Variants in CPNE4 observed in about 807,000 individuals in gnomAD.
CPNE4 encodes copine 4.
CPNE4 carries 25 observed loss-of-function variants against 67.9 expected under a neutral mutation model. The observed-to-expected ratio is 0.37, with a 90% CI of 0.27 to 0.51. The LOEUF is 0.51. Ranked by LOEUF, CPNE4 falls within the 20% of genes least tolerant of loss-of-function variation. CPNE4 has a pLI of 0.93. For synonymous variants in CPNE4, 242 were observed against 244.9 expected (o/e 0.99, Z 0.11); for missense variants, 464 against 690.8 (o/e 0.67, Z 3.68).
chr3:131,613,904 C>T (rs906462648), intron 7 of CPNE4, among the ~76,000 whole-genome samples: 1 of 151,760 alleles, frequency 6.6e-6, no homozygotes, highest in Non-Finnish European at 1.5e-5. Context: ...AAACATCATT[C>T]CAACCAAAAA....
chr3:131,785,294 A>G (rs1419087871), intron 2 of CPNE4, among the ~76,000 whole-genome samples: 1 of 152,064 alleles, frequency 6.6e-6, no homozygotes, highest in Admixed American at 6.6e-5. Flanking sequence ...GCTATCCTCA[A>G]ACATACAAGC....
intron 1 of CPNE4, among the ~76,000 whole-genome samples, chr3:131,936,999 A>G (rs984200886): frequency 3.9e-5 from 6 of 152,086 alleles, no homozygotes; most frequent in African/African-American, 1.4e-4. Flanking sequence ...AGAAAGAAAA[A>G]GTAATTAAAG....
intron 2 of CPNE4, among the ~76,000 whole-genome samples, chr3:131,842,468 G>T (rs2085825068): frequency 6.6e-6 from 1 of 152,170 alleles, no homozygotes; most frequent in Non-Finnish European, 1.5e-5. Context: ...AGTTATACAA[G>T]TACCCACTCT....
chr3:131,632,068 C>T (rs569761358), intron 7 of CPNE4, among the ~76,000 whole-genome samples: 8 of 151,082 alleles, frequency 5.3e-5, no homozygotes, highest in South Asian at 2.1e-4. Flanking sequence ...TGCACCACTG[C>T]GCACGATCTT....
At chr3:131,963,645 G>A (rs924045302) in intron 1 of CPNE4, among the ~76,000 whole-genome samples, 3 of 152,172 alleles carry the variant, frequency 2.0e-5, no homozygotes, top group Non-Finnish European at 2.9e-5. Context: ...AAAACTCACC[G>A]CAGGGCAGCG....
intron 2 of CPNE4, among the ~76,000 whole-genome samples, chr3:131,834,604 C>T (rs570966203): frequency 6.6e-6 from 1 of 152,052 alleles, no homozygotes; most frequent in South Asian, 2.1e-4. Context: ...GTTACCACAA[C>T]TTTTCACAAA....
intron 3 of CPNE4, among the ~76,000 whole-genome samples, chr3:131,713,022 G>A (rs903893662): frequency 3.3e-5 from 5 of 152,198 alleles, no homozygotes; most frequent in African/African-American, 1.2e-4. Flanking sequence ...GTGGCTCCCT[G>A]GATGAGTAGG....
In CPNE4 at chr3:131,887,271, C is replaced by A. The variant is rs573688463; in HGVS notation, c.180+17993G>T. On this transcript the variant is annotated intron_variant, in intron 2 of 15. Coordinates refer to ENST00000429747, the MANE Select transcript of CPNE4 (RefSeq NM_130808.3). ...TCGTCATTCTCTCTTTGCCTGCCAC[C>A]ATCCATGTAAGATGTGACTTGCTCC... is the stretch of plus-strand genomic sequence containing the variant. Among the ~76,000 whole-genome samples, 8 of 152,304 alleles carry A rather than the reference C, an allele frequency of 5.3e-5. No homozygotes were observed. The East Asian group carries it at 1.3e-3, about 26-fold the overall frequency.
At chr3:131,958,622 T>G (rs1293412640) in intron 1 of CPNE4, among the ~76,000 whole-genome samples, 3 of 119,666 alleles carry the variant, frequency 2.5e-5, no homozygotes, top group African/African-American at 1.0e-4. Flanking sequence ...TTTTTTTTTT[T>G]TTTTTTTTTT....
At chr3:132,014,321 C>G (rs572195690) in intron 1 of CPNE4, among the ~76,000 whole-genome samples, 4 of 152,040 alleles carry the variant, frequency 2.6e-5, no homozygotes, top group Non-Finnish European at 5.9e-5. Flanking sequence ...CTCCTCCCCC[C>G]GAATGCTCCT....
At chr3:131,922,370 C>T (rs2070764675) in intron 1 of CPNE4, among the ~76,000 whole-genome samples, 1 of 152,186 alleles carries the variant, frequency 6.6e-6, no homozygotes, top group African/African-American at 2.4e-5. Flanking sequence ...GTGAAGAACA[C>T]AAGCAGCCTT....
At chr3:131,659,825 G>T (rs553408163) in intron 7 of CPNE4, among the ~76,000 whole-genome samples, 1 of 152,152 alleles carries the variant, frequency 6.6e-6, no homozygotes, top group Non-Finnish European at 1.5e-5. Context: ...ATTGCTGAGA[G>T]AACAAGAGCC....
intron 2 of CPNE4, among the ~76,000 whole-genome samples, chr3:131,782,125 A>T (rs568946872): frequency 6.6e-6 from 1 of 152,142 alleles, no homozygotes; most frequent in Non-Finnish European, 1.5e-5. Context: ...TCCATTCAAT[A>T]TGCTCTTAAG....
intron 7 of CPNE4, among the ~76,000 whole-genome samples, chr3:131,620,214 C>T (rs896828769): frequency 7.9e-5 from 12 of 152,044 alleles, no homozygotes; most frequent in Admixed American, 2.6e-4. Context: ...GGGAGAGAAG[C>T]CAACTATCAT....
intron 7 of CPNE4, among the ~76,000 whole-genome samples, chr3:131,618,375 C>G (rs1383883093): frequency 6.6e-6 from 1 of 152,146 alleles, no homozygotes; most frequent in Non-Finnish European, 1.5e-5. Context: ...CATCACCTCA[C>G]CAACTTATGA....
chr3:131,683,629 G>A (rs528597609), intron 6 of CPNE4, among the ~76,000 whole-genome samples: 9 of 152,114 alleles, frequency 5.9e-5, no homozygotes, highest in Non-Finnish European at 1.3e-4. Context: ...GCACCTGAGG[G>A]GTGGTGCAGG....
intron 1 of CPNE4, among the ~76,000 whole-genome samples, chr3:132,025,227 T>C (rs1010813934): frequency 4.6e-5 from 7 of 152,184 alleles, no homozygotes; most frequent in Admixed American, 2.6e-4. Flanking sequence ...TAAGATCCTT[T>C]TGGGACAAGG....
At chr3:131,683,276 C>T (rs1477860865) in intron 6 of CPNE4, among the ~76,000 whole-genome samples, 1 of 152,200 alleles carries the variant, frequency 6.6e-6, no homozygotes, top group Non-Finnish European at 1.5e-5. Flanking sequence ...CTGTGTTTCA[C>T]CCAAGGCCCA....
intron 2 of CPNE4, among the ~76,000 whole-genome samples, chr3:131,859,807 G>A (rs559508364): frequency 7.2e-5 from 11 of 152,142 alleles, no homozygotes; most frequent in Non-Finnish European, 1.5e-4. Flanking sequence ...TCAACTTTAT[G>A]CTAGAAAGAA....
Sources: gnomAD v4.1 joint callset for allele counts (sites outside exome capture counted in the v4.1 genomes callset) on GRCh38, gnomAD v4.1.1 for gene constraint, MANE v1.5 for transcripts, NCBI Gene and HGNC (gene_info 2026-07-23, HGNC 2026-07-21) for gene names.